SERPINI1: variants seen among roughly 807,000 people sequenced by gnomAD.
SERPINI1 encodes serpin family I member 1, also known as neuroserpin.
In SERPINI1, 19 loss-of-function variants were observed where a neutral mutation model predicts 41.1. The observed-to-expected ratio is 0.46, with a 90% CI of 0.32 to 0.68. SERPINI1 has a LOEUF of 0.68. Ranked by LOEUF, SERPINI1 falls within the 30% of genes least tolerant of loss-of-function variation. The probability of loss-of-function intolerance (pLI) is 0.03; values close to 1 mark genes in which losing one functional copy is unlikely to be tolerated. For synonymous variants in SERPINI1, 138 were observed against 156.6 expected (o/e 0.88, Z 0.89); for missense variants, 460 against 479.2 (o/e 0.96, Z 0.37).
chr3:167,772,891 TATACACACACACAC>T lies in SERPINI1; in HGVS notation c.-18-16218_-18-16205del, dbSNP rs1393546449. ...ATATATATATATATATATATATATA[TATACACACACACAC>T]ACACACACACACACACATGCATATA... On this transcript the variant is annotated intron_variant, in intron 1 of 8. Transcript: ENST00000446050. 1.5e-3 allele frequency among the ~76,000 whole-genome samples: 107 copies of T among 73,656 alleles called. 4 individuals are homozygous for T. Among genetic ancestry groups the T allele is most frequent in the Middle Eastern group, 6.7e-3 (1 of 150 alleles). 48.3% of individuals were successfully genotyped at this position (73,656 alleles called of 152,430 possible).
chr3:167,785,987 A>T (rs1231800296), intron 1 of SERPINI1, among the ~76,000 whole-genome samples: 1 of 152,230 alleles, frequency 6.6e-6, no homozygotes, highest in Admixed American at 6.5e-5. Context: ...AACATCACCG[A>T]GTATACTTAC....
intron 5 of SERPINI1, 148 bp downstream of exon 5, chr3:167,794,972 T>TTCTCTTTCTCCG: frequency 1.5e-6 from 1 of 675,728 alleles, no homozygotes; most frequent in Non-Finnish European, 2.6e-6. Context: ...CTCTTTCTCC[T>TTCTCTTTCTCCG]TCTCCTTCTT....
chr3:167,740,306 C>CA (rs1410763001), intron 1 of SERPINI1, among the ~76,000 whole-genome samples: 1 of 152,192 alleles, frequency 6.6e-6, no homozygotes, highest in East Asian at 1.9e-4. Flanking sequence ...ATTGGGATTA[C>CA]AGGTGTGAAC....
At chr3:167,798,849 C>T (rs1577424412) in intron 5 of SERPINI1, among the ~76,000 whole-genome samples, 3 of 151,936 alleles carry the variant, frequency 2.0e-5, no homozygotes, top group Non-Finnish European at 2.9e-5. Flanking sequence ...GGAGGGAAGA[C>T]GGAAAGGGGG....
chr3:167,749,258 TC>T (rs767781102), intron 1 of SERPINI1, among the ~76,000 whole-genome samples: 2 of 152,228 alleles, frequency 1.3e-5, no homozygotes, highest in Non-Finnish European at 2.9e-5. Flanking sequence ...CATACAATGT[TC>T]CTTTTATGTC....
chr3:167,798,356 T>C (rs1727779880), intron 5 of SERPINI1, among the ~76,000 whole-genome samples: 1 of 152,170 alleles, frequency 6.6e-6, no homozygotes, highest in Non-Finnish European at 1.5e-5. Flanking sequence ...AATGCATAGA[T>C]AGGGAGGCTA....
intron 1 of SERPINI1, among the ~76,000 whole-genome samples, chr3:167,742,856 G>A (rs1371016475): frequency 1.4e-5 from 2 of 145,344 alleles, no homozygotes; most frequent in Non-Finnish European, 3.0e-5. Flanking sequence ...GTGTGTGTGT[G>A]TGTAGAAGTT....
chr3:167,794,058 G>A (rs1727632258), intron 4 of SERPINI1, among the ~76,000 whole-genome samples: 1 of 152,040 alleles, frequency 6.6e-6, no homozygotes, highest in South Asian at 2.1e-4. Context: ...GTATTAAATG[G>A]TCAAATTTTC....
At chr3:167,815,362 T>C (rs1712043360) in intron 6 of SERPINI1, among the ~76,000 whole-genome samples, 1 of 152,060 alleles carries the variant, frequency 6.6e-6, no homozygotes, top group Admixed American at 6.6e-5. Context: ...TTAGTACCTG[T>C]GATGTGATTT....
chr3:167,738,543 G>T (rs1354746511), intron 1 of SERPINI1, among the ~76,000 whole-genome samples: 1 of 151,822 alleles, frequency 6.6e-6, no homozygotes, highest in Non-Finnish European at 1.5e-5. Flanking sequence ...AGAGAAAAAA[G>T]ATTTTATATT....
chr3:167,756,840 C>T (rs573336557), intron 1 of SERPINI1, among the ~76,000 whole-genome samples: 1 of 152,186 alleles, frequency 6.6e-6, no homozygotes, highest in Non-Finnish European at 1.5e-5. Context: ...CAATATGCAA[C>T]CAACTTTCTG....
intron 1 of SERPINI1, among the ~76,000 whole-genome samples, chr3:167,757,584 G>A (rs758808116): frequency 1.2e-4 from 18 of 151,970 alleles, no homozygotes; most frequent in Non-Finnish European, 2.4e-4. Context: ...ATCATACTCC[G>A]TGTTGGCCTC....
At chr3:167,745,212 G>T (rs1725827465) in intron 1 of SERPINI1, among the ~76,000 whole-genome samples, 1 of 151,566 alleles carries the variant, frequency 6.6e-6, no homozygotes, top group African/African-American at 2.4e-5. Context: ...GGCAACAAAA[G>T]AATTATATAC....
chr3:167,777,858 T>A (rs1727008504), intron 1 of SERPINI1, among the ~76,000 whole-genome samples: 1 of 152,032 alleles, frequency 6.6e-6, no homozygotes, highest in Non-Finnish European at 1.5e-5. Context: ...GCTTTGGAGG[T>A]GATTGGGCTA....
In SERPINI1 at chr3:167,825,488, A is replaced by T; in HGVS notation, c.*165A>T. 1.6e-6 allele frequency: 1 copy of T among 621,386 alleles called. No homozygotes were observed. Among genetic ancestry groups the T allele is most frequent in the East Asian group, 2.8e-5 (1 of 35,130 alleles). The allele number at this position is 621,386 out of a possible 1,614,324, so 38.5% of individuals were successfully genotyped here. A position where few individuals can be genotyped will look rare whatever the true frequency, so the allele number is the denominator to read the frequency against. On this transcript the variant is annotated 3_prime_UTR_variant, in exon 9 of 9. Transcript: ENST00000446050. ...TATAAGTAACTTGTCAAGGAATGTT[A>T]TCAGTATTAAGCTAATGGTCCTGTT...
intron 1 of SERPINI1, among the ~76,000 whole-genome samples, chr3:167,746,909 A>ACC (rs1274492990): frequency 6.6e-6 from 1 of 152,164 alleles, no homozygotes; most frequent in Non-Finnish European, 1.5e-5. Context: ...TTAGCCTATG[A>ACC]CCCAGCAGTT....
chr3:167,823,987 T>G (rs2108575837), intron 7 of SERPINI1, among the ~76,000 whole-genome samples: 1 of 152,310 alleles, frequency 6.6e-6, no homozygotes, highest in African/African-American at 2.4e-5. Flanking sequence ...ACTGCCATCT[T>G]GACCACTTAC....
At chr3:167,750,072 T>TA (rs1029766179) in intron 1 of SERPINI1, among the ~76,000 whole-genome samples, 2 of 152,204 alleles carry the variant, frequency 1.3e-5, no homozygotes, top group Admixed American at 6.5e-5. Flanking sequence ...TATATTTTGT[T>TA]AAAGTTTCAT....
chr3:167,806,364 T>C (rs1490508303), intron 5 of SERPINI1, among the ~76,000 whole-genome samples: 1 of 151,996 alleles, frequency 6.6e-6, no homozygotes, highest in Non-Finnish European at 1.5e-5. Context: ...TTAGGACAAA[T>C]ACCTAAATGC....
Sources: gnomAD v4.1 joint callset for allele counts (sites outside exome capture counted in the v4.1 genomes callset) on GRCh38, gnomAD v4.1.1 for gene constraint, MANE v1.5 for transcripts, NCBI Gene and HGNC (gene_info 2026-07-23, HGNC 2026-07-21) for gene names.